The following COBLL1 variants were observed in gnomAD, a reference collection of about 807,000 sequenced individuals.
COBLL1 encodes cordon-bleu WH2 repeat protein like 1.
A neutral mutation model predicts 94.8 loss-of-function variants in COBLL1; 50 were observed. The observed-to-expected ratio is 0.53, with a 90% CI of 0.42 to 0.67. COBLL1 has a LOEUF of 0.67. Among genes scored for constraint, COBLL1 ranks in the 30% least tolerant of loss-of-function variants. COBLL1 has a pLI of 0.00. For synonymous variants in COBLL1, 448 were observed against 473.8 expected, an observed-to-expected ratio of 0.95 and a Z score of 0.71; for missense variants, 1,362 against 1,348.7, an observed-to-expected ratio of 1.01 and a Z score of -0.15.
intron 2 of COBLL1, among the ~76,000 whole-genome samples, chr2:164,826,798 C>A (rs1685448965): frequency 6.6e-6 from 1 of 152,108 alleles, no homozygotes; most frequent in Non-Finnish European, 1.5e-5. Context: ...AGGCAGCCGG[C>A]AGAGTTAAAT....
chr2:164,782,579 T>A (rs985855406), intron 2 of COBLL1, among the ~76,000 whole-genome samples: 2 of 152,086 alleles, frequency 1.3e-5, no homozygotes, highest in African/African-American at 4.8e-5. Flanking sequence ...TAGGAACTGT[T>A]CTGGGCTAGG....
At chr2:164,812,398 A>G (rs1684502554) in intron 2 of COBLL1, among the ~76,000 whole-genome samples, 2 of 151,970 alleles carry the variant, frequency 1.3e-5, no homozygotes, top group African/African-American at 2.4e-5. Context: ...TGTCCTCCTA[A>G]GATTTTTATA....
intron 9 of COBLL1, among the ~76,000 whole-genome samples, chr2:164,702,146 T>C (rs958147579): frequency 6.6e-6 from 1 of 152,134 alleles, no homozygotes; most frequent in Non-Finnish European, 1.5e-5. Context: ...TTTTAAAATT[T>C]AGGTTTAAGT....
At chr2:164,704,589 T>G in intron 8 of COBLL1, 71 bp from the exon 9 acceptor site, 1 of 1,249,814 alleles carries the variant, frequency 8.0e-7, no homozygotes, top group Non-Finnish European at 1.2e-6. Flanking sequence ...CAGTTTAACT[T>G]AGTTATATAG....
chr2:164,727,007 A>G (rs1200556156), intron 5 of COBLL1: 1 of 496,392 alleles, frequency 2.0e-6, no homozygotes, highest in Non-Finnish European at 3.4e-6. Context: ...ATACAGAATG[A>G]ACACGTTAGT....
chr2:164,672,926 G>A (rs1691269538), intron 1 of COBLL1, among the ~76,000 whole-genome samples: 1 of 152,028 alleles, frequency 6.6e-6, no homozygotes, highest in Non-Finnish European at 1.5e-5. Context: ...CCAGATTTCT[G>A]GTTTCCTGGT....
chr2:164,716,693 T>C (rs1048197567), intron 7 of COBLL1, among the ~76,000 whole-genome samples: 4 of 152,184 alleles, frequency 2.6e-5, no homozygotes, highest in Non-Finnish European at 5.9e-5. Context: ...TCGGCTAACT[T>C]TGAATAGTCT....
intron 2 of COBLL1, among the ~76,000 whole-genome samples, chr2:164,750,379 T>C (rs932917230): frequency 6.6e-6 from 1 of 152,204 alleles, no homozygotes; most frequent in Non-Finnish European, 1.5e-5. Context: ...AGGCATACTT[T>C]AATTCCTCTC....
chr2:164,686,819 TTTAGA>T (rs1394153216), intron 13 of COBLL1, among the ~76,000 whole-genome samples: 2 of 152,186 alleles, frequency 1.3e-5, no homozygotes, highest in African/African-American at 4.8e-5. Flanking sequence ...TTTAAGACAG[TTTAGA>T]TTATAATTTG....
chr2:164,695,841 G>A lies in COBLL1; in HGVS notation c.1556-5C>T, dbSNP rs1409151549. On this transcript the variant is annotated splice_region_variant and splice_polypyrimidine_tract_variant and intron_variant, in intron 11 of 13. Transcript: ENST00000652658. The stretch of plus-strand genomic sequence containing the variant: ...CAATTATTTCATTTTGAACTACTGA[G>A]AGAAAAAAATCATCAAGTTAAATAT... 2 of 1,535,526 alleles carry A rather than the reference G, an allele frequency of 1.3e-6. No homozygotes were observed. Among genetic ancestry groups the A allele is most frequent in the Middle Eastern group, 1.9e-4 (1 of 5,200 alleles).
In COBLL1 at chr2:164,703,293, T is replaced by C. The variant is rs370748305; in HGVS notation, c.1225+1151A>G. 3.5e-5 allele frequency: 32 copies of C among 908,564 alleles called. No homozygotes were observed. The African/African-American group carries it at 3.7e-4, about 11-fold the overall frequency. 56.3% of individuals were successfully genotyped at this position (908,564 alleles called of 1,614,324 possible). On this transcript the variant is annotated intron_variant, in intron 9 of 13. Transcript: ENST00000652658. Reference sequence around the variant, plus strand: ...TAAGGCAAGCAGAGACCAAGAAGCATTTTGGAAGAAATCAGATTTGTTAGC... The same window carrying C: ...TAAGGCAAGCAGAGACCAAGAAGCACTTTGGAAGAAATCAGATTTGTTAGC...
intron 2 of COBLL1, among the ~76,000 whole-genome samples, chr2:164,812,034 C>G (rs1391453606): frequency 6.6e-6 from 1 of 151,774 alleles, no homozygotes; most frequent in Non-Finnish European, 1.5e-5. Context: ...TTTGTAGTAA[C>G]CATGACAACC....
chr2:164,687,678 G>A, intron 13 of COBLL1: 1 of 761,596 alleles, frequency 1.3e-6, no homozygotes, highest in South Asian at 1.4e-5. Flanking sequence ...AACCTATAGA[G>A]GAAACAGGCT....
intron 7 of COBLL1, among the ~76,000 whole-genome samples, chr2:164,711,292 G>A (rs1684886875): frequency 6.6e-6 from 1 of 152,160 alleles, no homozygotes; most frequent in Admixed American, 6.5e-5. Flanking sequence ...CTGTTTTAAA[G>A]TACATGAAAG....
At chr2:164,793,708 G>GA (rs943282820) in intron 2 of COBLL1, among the ~76,000 whole-genome samples, 1 of 151,588 alleles carries the variant, frequency 6.6e-6, no homozygotes, top group Non-Finnish European at 1.5e-5. Flanking sequence ...ATGGGACAAG[G>GA]AAAAAAAATG....
intron 2 of COBLL1, among the ~76,000 whole-genome samples, chr2:164,816,865 T>C (rs1233882282): frequency 1.3e-5 from 2 of 151,928 alleles, no homozygotes; most frequent in South Asian, 2.1e-4. Flanking sequence ...GTACCACGAG[T>C]AGAAGTCAGG....
rs1302453680 is a variant in COBLL1, at chr2:164,683,229, T to G, written c.*2717A>C. ...TTTAATATTATATAAATAAATAACT[T>G]GATTGGAGGAAAGAAGGAAAAGCAA... is the stretch of plus-strand genomic sequence containing the variant. On this transcript the variant is annotated 3_prime_UTR_variant, in exon 14 of 14. Transcript: ENST00000652658. 1 of 151,808 alleles carries G rather than the reference T, an allele frequency of 6.6e-6. No individual in the cohort carries two copies. Among genetic ancestry groups the G allele is most frequent in the Non-Finnish European group, 1.5e-5 (1 of 67,942 alleles). The allele number at this position is 151,808 out of a possible 1,614,324, so 9.4% of individuals were successfully genotyped here.
At chr2:164,745,097 C>T (rs1686799397) in intron 2 of COBLL1, among the ~76,000 whole-genome samples, 1 of 152,122 alleles carries the variant, frequency 6.6e-6, no homozygotes, top group African/African-American at 2.4e-5. Context: ...ACTTGCTAGG[C>T]AAACATAAGA....
chr2:164,731,811 T>C (rs868530164), intron 3 of COBLL1, among the ~76,000 whole-genome samples: 5 of 152,150 alleles, frequency 3.3e-5, no homozygotes, highest in African/African-American at 1.2e-4. Context: ...ATCCCACCAT[T>C]CAGTATGCTA....
Sources: gnomAD v4.1 joint callset for allele counts (sites outside exome capture counted in the v4.1 genomes callset) on GRCh38, gnomAD v4.1.1 for gene constraint, MANE v1.5 for transcripts, NCBI Gene and HGNC (gene_info 2026-07-23, HGNC 2026-07-21) for gene names.